The following SPMIP2 variants were observed in gnomAD, a reference collection of about 807,000 sequenced individuals.
SPMIP2 encodes sperm microtubule inner protein 2.
the SPMIP2 span, among the ~76,000 whole-genome samples, chr4:158,925,726 G>A: frequency 3.3e-5 from 5 of 152,346 alleles, no homozygotes; most frequent in African/African-American, 9.6e-5. Flanking sequence ...CTCCTCCTGT[G>A]TAGCTCAGTT....
At chr4:159,052,477 A>T in the SPMIP2 span, among the ~76,000 whole-genome samples, 1 of 152,178 alleles carries the variant, frequency 6.6e-6, no homozygotes, top group South Asian at 2.1e-4. Flanking sequence ...GCAACTAGCC[A>T]GTTGTGCAGG....
chr4:159,028,883 T>C, the SPMIP2 span, among the ~76,000 whole-genome samples: 1 of 152,092 alleles, frequency 6.6e-6, no homozygotes, highest in Non-Finnish European at 1.5e-5. Context: ...TCACTTGAGC[T>C]CAGGAGTTCG....
At chr4:159,071,611 A>G in the SPMIP2 span, among the ~76,000 whole-genome samples, 1 of 152,302 alleles carries the variant, frequency 6.6e-6, no homozygotes, top group East Asian at 1.9e-4. Flanking sequence ...CCTGAAAACT[A>G]AAGTCTGAAC....
At chr4:158,990,396 T>C in the SPMIP2 span, among the ~76,000 whole-genome samples, 3 of 152,212 alleles carry the variant, frequency 2.0e-5, no homozygotes, top group African/African-American at 7.2e-5. Context: ...CAAAGGATTA[T>C]AAATCATTCT....
the SPMIP2 span, among the ~76,000 whole-genome samples, chr4:158,960,919 A>T: frequency 7.3e-6 from 1 of 136,684 alleles, no homozygotes; most frequent in Non-Finnish European, 1.6e-5. Context: ...CATTGAAATG[A>T]TCTGTTATTA....
chr4:158,904,662 T>C, the SPMIP2 span: 2 of 886,466 alleles, frequency 2.3e-6, no homozygotes, highest in Non-Finnish European at 3.5e-6. Context: ...AAACAGTCAT[T>C]CCACCTTTTT....
the SPMIP2 span, chr4:158,973,182 A>T: frequency 6.2e-7 from 1 of 1,613,610 alleles, no homozygotes; most frequent in South Asian, 1.1e-5. Flanking sequence ...TTTTGCTGGC[A>T]AGCTTCTATT....
the SPMIP2 span, among the ~76,000 whole-genome samples, chr4:158,911,006 T>C: frequency 1.3e-5 from 2 of 152,046 alleles, no homozygotes; most frequent in Admixed American, 1.3e-4. Context: ...GATCAGAAAA[T>C]TGTCATTCCA....
the SPMIP2 span, among the ~76,000 whole-genome samples, chr4:159,048,032 T>C: frequency 2.0e-5 from 3 of 152,246 alleles, no homozygotes; most frequent in African/African-American, 4.8e-5. Context: ...CTGGTGTGCT[T>C]ACCTTCCTTC....
the SPMIP2 span, chr4:158,972,966 C>T: frequency 1.4e-6 from 1 of 714,954 alleles, no homozygotes; most frequent in Non-Finnish European, 2.3e-6. Flanking sequence ...ACTCAAACCT[C>T]ATTATGTCTC....
At chr4:159,047,682 G>A in the SPMIP2 span, among the ~76,000 whole-genome samples, 1 of 152,142 alleles carries the variant, frequency 6.6e-6, no homozygotes, top group Non-Finnish European at 1.5e-5. Flanking sequence ...TATTTCCTGC[G>A]CTGTACCAAA....
At chr4:159,074,584 T>C in the SPMIP2 span, among the ~76,000 whole-genome samples, 2 of 152,092 alleles carry the variant, frequency 1.3e-5, no homozygotes, top group Non-Finnish European at 2.9e-5. Context: ...CTTCACCTTG[T>C]GAAGTTATCC....
chr4:159,031,216 T>C, the SPMIP2 span, among the ~76,000 whole-genome samples: 4,936 of 152,264 alleles, frequency 0.032, 238 homozygotes, highest in African/African-American at 0.11. Flanking sequence ...GTTAAAATTA[T>C]TATTCTTGAA....
At chr4:158,901,550 G>A in the SPMIP2 span, among the ~76,000 whole-genome samples, 3 of 152,004 alleles carry the variant, frequency 2.0e-5, no homozygotes, top group South Asian at 6.2e-4. Context: ...GCTAGGTTGG[G>A]GACATTCTCC....
the SPMIP2 span, chr4:158,906,853 G>A: frequency 1.3e-5 from 2 of 151,662 alleles, no homozygotes; most frequent in East Asian, 1.9e-4. Flanking sequence ...CCGCTCACAC[G>A]CCGTACACCA....
At chr4:159,062,829 C>G in the SPMIP2 span, among the ~76,000 whole-genome samples, 13 of 149,746 alleles carry the variant, frequency 8.7e-5, no homozygotes, top group Non-Finnish European at 1.3e-4. Flanking sequence ...GCTAAGACTA[C>G]AGGTGTGCAC....
the SPMIP2 span, among the ~76,000 whole-genome samples, chr4:158,911,098 C>T: frequency 1.2e-4 from 19 of 152,264 alleles, no homozygotes; most frequent in Middle Eastern, 0.027. Context: ...TAAAGGCTGA[C>T]ATAGATGTCA....
At chr4:159,044,388 AAG>A in the SPMIP2 span, among the ~76,000 whole-genome samples, 1 of 138,354 alleles carries the variant, frequency 7.2e-6, no homozygotes, top group Non-Finnish European at 1.6e-5. Flanking sequence ...AAAAAAAAAA[AAG>A]AGAGAAAGAA....
the SPMIP2 span, among the ~76,000 whole-genome samples, chr4:159,054,848 T>C: frequency 1.9e-5 from 2 of 104,090 alleles, no homozygotes; most frequent in African/African-American, 7.4e-5. Flanking sequence ...ACATAGAAAA[T>C]GCTTCAAACC....
Sources: allele counts gnomAD v4.1 joint callset (sites outside exome capture counted in the v4.1 genomes callset), GRCh38; gene constraint gnomAD v4.1.1; transcripts MANE v1.5; gene names NCBI Gene and HGNC (gene_info 2026-07-23, HGNC 2026-07-21).